IKZF2: variants seen among roughly 807,000 people sequenced by gnomAD.
IKZF2 encodes the protein zinc finger protein Helios.
In IKZF2, 15 loss-of-function variants were observed where a neutral mutation model predicts 49.2. The observed-to-expected ratio is 0.30, with a 90% confidence interval of 0.20 to 0.47. The LOEUF (loss-of-function observed/expected upper bound fraction) is 0.47. Among genes scored for constraint, IKZF2 ranks in the 20% least tolerant of loss-of-function variants. The pLI, the probability that IKZF2 is intolerant of heterozygous loss-of-function variation, is 1.00. For synonymous variants in IKZF2, 227 were observed against 221.4 expected (o/e 1.03, Z -0.23); for missense variants, 567 against 664.6 (o/e 0.85, Z 1.61).
chr2:213,102,005 T>C (rs1706739220), intron 4 of IKZF2, among the ~76,000 whole-genome samples: 1 of 152,174 alleles, frequency 6.6e-6, no homozygotes, highest in South Asian at 2.1e-4. Context: ...ACTTAGAACA[T>C]TGTCACCATG....
chr2:213,010,449 C>G (rs1427202550), intron 8 of IKZF2, among the ~76,000 whole-genome samples: 1 of 152,000 alleles, frequency 6.6e-6, no homozygotes, highest in East Asian at 1.9e-4. Flanking sequence ...GCTTCTAGGG[C>G]CAAGGGAATG....
At chr2:213,150,346 C>T in intron 1 of IKZF2, 99 bp from the exon 2 acceptor site, 6 of 395,654 alleles carry the variant, frequency 1.5e-5, no homozygotes, top group South Asian at 1.3e-4. Flanking sequence ...CTGCAGAGTT[C>T]AAGGGGAGGA....
In IKZF2 at chr2:213,147,883, T is replaced by A. The variant is rs568932002; in HGVS notation, c.35-71A>T. The stretch of plus-strand genomic sequence containing the variant: ...TAAGATGTAATTACTAACTTTGCTT[T>A]ATACACGCAATGGCATGCATAGCCT... On this transcript the variant is annotated intron_variant, in intron 3 of 8. Coordinates refer to ENST00000434687, the MANE Select transcript of IKZF2 (RefSeq NM_001387220.1). 2.7e-6 allele frequency: 3 copies of A among 1,126,234 alleles called. No individual in the cohort carries two copies. In the East Asian group the frequency reaches 7.0e-5, roughly 26 times the overall value. The allele number at this position is 1,126,234 out of a possible 1,614,324, so 69.8% of individuals were successfully genotyped here.
chr2:213,100,844 A>C (rs1198278202), intron 4 of IKZF2, among the ~76,000 whole-genome samples: 2 of 152,058 alleles, frequency 1.3e-5, no homozygotes, highest in East Asian at 3.8e-4. Context: ...AAACTCAATA[A>C]TATATTAAAA....
intron 4 of IKZF2, among the ~76,000 whole-genome samples, chr2:213,106,504 G>T (rs1489472675): frequency 6.6e-6 from 1 of 151,858 alleles, no homozygotes; most frequent in Non-Finnish European, 1.5e-5. Context: ...TGGTGGTGGC[G>T]CATGTCCCTA....
intron 8 of IKZF2, among the ~76,000 whole-genome samples, chr2:213,012,341 T>C (rs1696055711): frequency 6.6e-6 from 1 of 151,674 alleles, no homozygotes; most frequent in Admixed American, 6.6e-5. Context: ...TCAGGAAACA[T>C]GACAAAAAAC....
intron 4 of IKZF2, among the ~76,000 whole-genome samples, chr2:213,122,554 G>C (rs2060094102): frequency 6.6e-6 from 1 of 152,134 alleles, no homozygotes; most frequent in South Asian, 2.1e-4. Flanking sequence ...TGGTTTTAAG[G>C]ATTATTCTTT....
chr2:213,096,087 A>C (rs564345386), intron 4 of IKZF2, among the ~76,000 whole-genome samples: 29 of 151,902 alleles, frequency 1.9e-4, no homozygotes, highest in Admixed American at 1.7e-3. Context: ...AAGAGGGTAT[A>C]GCTGAAGTCT....
intron 4 of IKZF2, among the ~76,000 whole-genome samples, chr2:213,071,916 A>G (rs948758087): frequency 5.5e-4 from 83 of 152,096 alleles, no homozygotes; most frequent in African/African-American, 2.0e-3. Context: ...AATGAAACAC[A>G]CACATACACA....
At chr2:213,032,186 T>C (rs1368750813) in intron 6 of IKZF2, among the ~76,000 whole-genome samples, 2 of 152,174 alleles carry the variant, frequency 1.3e-5, no homozygotes, top group Non-Finnish European at 2.9e-5. Context: ...TTACTAGGCA[T>C]ACAGATTAAA....
chr2:213,106,303 C>A lies in IKZF2; in HGVS notation c.139+41405G>T, dbSNP rs570831332. The stretch of plus-strand genomic sequence containing the variant: ...TATTTTTCTGTTTAAGAGATCCTTG[C>A]GCCTGTTTTTTAAAGGAAGAGTTGG... On this transcript the variant is annotated intron_variant, in intron 4 of 8. Transcript: ENST00000434687. 3.1e-4 allele frequency among the ~76,000 whole-genome samples: 47 copies of A among 151,890 alleles called. No individual in the cohort carries two copies. The South Asian group carries it at 5.8e-3, about 19-fold the overall frequency.
chr2:213,127,794 G>C (rs1186444479), intron 4 of IKZF2, among the ~76,000 whole-genome samples: 1 of 152,064 alleles, frequency 6.6e-6, no homozygotes, highest in Non-Finnish European at 1.5e-5. Context: ...CTTTTCTAAA[G>C]AATTATAACT....
chr2:213,012,344 C>CA (rs1266781760), intron 8 of IKZF2, among the ~76,000 whole-genome samples: 7 of 151,326 alleles, frequency 4.6e-5, no homozygotes, highest in African/African-American at 1.2e-4. Flanking sequence ...GGAAACATGA[C>CA]AAAAAACGTT....
chr2:213,124,253 C>T (rs1228107051), intron 4 of IKZF2, among the ~76,000 whole-genome samples: 6 of 24,266 alleles, frequency 2.5e-4, no homozygotes, highest in East Asian at 4.4e-4. Flanking sequence ...CGCGCGCGCG[C>T]ACACACACAC....
intron 4 of IKZF2, among the ~76,000 whole-genome samples, chr2:213,086,268 G>A (rs1704584754): frequency 6.6e-6 from 1 of 152,128 alleles, no homozygotes; most frequent in Admixed American, 6.6e-5. Flanking sequence ...CTGGAATGCT[G>A]TAACTGTTTG....
intron 8 of IKZF2, among the ~76,000 whole-genome samples, chr2:213,009,188 T>C (rs73989362): frequency 0.013 from 1,931 of 152,216 alleles, 36 homozygotes; most frequent in African/African-American, 0.044. Context: ...AGTTTTTCCT[T>C]AAATATACAC....
At chr2:213,117,940 C>T (rs946857917) in intron 4 of IKZF2, among the ~76,000 whole-genome samples, 2 of 151,952 alleles carry the variant, frequency 1.3e-5, no homozygotes, top group South Asian at 4.2e-4. Context: ...AGTTGTCATA[C>T]AAAAAACATG....
At chr2:213,024,903 T>TA (rs1440682897) in intron 6 of IKZF2, among the ~76,000 whole-genome samples, 1 of 152,116 alleles carries the variant, frequency 6.6e-6, no homozygotes. Context: ...ATCTTTAAAG[T>TA]AATACATAAT....
At chr2:213,039,150 C>T (rs184878455) in intron 6 of IKZF2, among the ~76,000 whole-genome samples, 2 of 151,986 alleles carry the variant, frequency 1.3e-5, no homozygotes, top group East Asian at 1.9e-4. Flanking sequence ...TATATTTAAA[C>T]ATAGGATGAG....
Sources: gnomAD v4.1 joint callset for allele counts (sites outside exome capture counted in the v4.1 genomes callset) on GRCh38, gnomAD v4.1.1 for gene constraint, MANE v1.5 for transcripts, NCBI Gene and HGNC (gene_info 2026-07-23, HGNC 2026-07-21) for gene names.